Variants in CACNA1C observed in about 807,000 individuals in gnomAD.
The protein encoded by CACNA1C is calcium voltage-gated channel subunit alpha1 C.
In CACNA1C, 30 loss-of-function variants were observed where a neutral mutation model predicts 229.0. The observed-to-expected ratio is 0.13, with a 90% CI of 0.10 to 0.18. CACNA1C has a LOEUF of 0.18. Among genes scored for constraint, CACNA1C ranks in the 10% least tolerant of loss-of-function variants. CACNA1C has a pLI of 1.00. For missense variants in CACNA1C, 1,658 were observed against 2,845.0 expected (o/e 0.58, Z 9.49); for synonymous variants, 1,114 against 1,132.5 (o/e 0.98, Z 0.33).
At chr12:2,385,345 A>G (rs2098358589) in intron 3 of CACNA1C, among the ~76,000 whole-genome samples, 1 of 151,986 alleles carries the variant, frequency 6.6e-6, no homozygotes, top group Admixed American at 6.5e-5. Context: ...TCTCCCGGCA[A>G]CGGAACCTCA....
chr12:2,374,522 C>T (rs931386832), intron 3 of CACNA1C, among the ~76,000 whole-genome samples: 8 of 152,208 alleles, frequency 5.3e-5, no homozygotes, highest in African/African-American at 1.2e-4. Context: ...ATTGGCCTTC[C>T]GTGGGCCAGG....
intron 3 of CACNA1C, chr12:2,217,904 G>A (rs1275153468): frequency 6.6e-6 from 1 of 152,174 alleles, no homozygotes; most frequent in African/African-American, 2.4e-5. Flanking sequence ...AGGCCGTCGG[G>A]AAATGGGAGC....
In CACNA1C at chr12:2,045,342, G is replaced by A. The variant is rs978067766; in HGVS notation, c.140-69882G>A. ...TTTTCTATCTAGCTCCATTGAATAC[G>A]TTTGAACTGGCCTGGAACAGTTAAG... is the stretch of plus-strand genomic sequence containing the variant. On this transcript the variant is annotated intron_variant, in intron 1 of 46. Transcript: ENST00000682462. 3.9e-5 allele frequency among the ~76,000 whole-genome samples: 6 copies of A among 152,270 alleles called. No homozygotes were observed. The East Asian group carries it at 9.6e-4, about 24-fold the overall frequency.
chr12:2,465,887 C>T (rs1313125673), intron 5 of CACNA1C, among the ~76,000 whole-genome samples: 1 of 152,150 alleles, frequency 6.6e-6, no homozygotes, highest in African/African-American at 2.4e-5. Context: ...TCTGGGCCAT[C>T]CTGCTCTGTC....
chr12:2,320,988 T>TGCA (rs2095962449), intron 3 of CACNA1C, among the ~76,000 whole-genome samples: 1 of 152,210 alleles, frequency 6.6e-6, no homozygotes, highest in Non-Finnish European at 1.5e-5. Flanking sequence ...ACACGGATGC[T>TGCA]GCAGCAGCAG....
In CACNA1C at chr12:2,677,448, G is replaced by A; in HGVS notation, c.4956+227G>A. 1 of 617,470 alleles carries A rather than the reference G, an allele frequency of 1.6e-6. No individual in the cohort carries two copies. Among genetic ancestry groups the A allele is most frequent in the Non-Finnish European group, 2.8e-6 (1 of 357,224 alleles). The allele number at this position is 617,470 out of a possible 1,614,324, so 38.2% of individuals were successfully genotyped here. On this transcript the variant is annotated intron_variant, in intron 40 of 46. Coordinates refer to ENST00000399655, the MANE Select transcript of CACNA1C (RefSeq NM_000719.7). This position sits in a 1 kb window ranked among gnomAD's most constrained non-coding sequence, Gnocchi z 7.4. ...CTCCATGGTTCTGCCTGCTGTCATA[G>A]CCCCCAGATCTCTCAAATACTTCAC...
chr12:2,291,422 G>T (rs748142474), intron 3 of CACNA1C, among the ~76,000 whole-genome samples: 5 of 152,154 alleles, frequency 3.3e-5, no homozygotes, highest in Non-Finnish European at 7.3e-5. Flanking sequence ...TCTCTTTCTC[G>T]ACTGCTCTTT....
intron 3 of CACNA1C, among the ~76,000 whole-genome samples, chr12:2,289,096 A>G (rs2093129945): frequency 6.6e-6 from 1 of 152,212 alleles, no homozygotes; most frequent in Non-Finnish European, 1.5e-5. Context: ...TATGGGGAAG[A>G]TATGCCCTCA....
At chr12:2,227,099 C>T (rs2063229295) in intron 3 of CACNA1C, among the ~76,000 whole-genome samples, 1 of 152,232 alleles carries the variant, frequency 6.6e-6, no homozygotes, top group Admixed American at 6.5e-5. Context: ...CATGCTTTCT[C>T]TGTTCCCTGC....
At chr12:2,508,549 A>G (rs939169110) in intron 8 of CACNA1C, among the ~76,000 whole-genome samples, 2 of 152,188 alleles carry the variant, frequency 1.3e-5, no homozygotes, top group Admixed American at 6.5e-5. Flanking sequence ...GGTATTCGGG[A>G]AGCCGAGGTG....
intron 3 of CACNA1C, among the ~76,000 whole-genome samples, chr12:2,156,971 G>C (rs2154235078): frequency 6.6e-6 from 1 of 152,332 alleles, no homozygotes; most frequent in East Asian, 1.9e-4. Flanking sequence ...GTATGAGACA[G>C]CTGAATCCTA....
intron 5 of CACNA1C, among the ~76,000 whole-genome samples, chr12:2,463,298 G>T (rs1303426718): frequency 6.6e-6 from 1 of 152,150 alleles, no homozygotes. Flanking sequence ...GATTGCGAGG[G>T]TACAAGTCCA....
intron 9 of CACNA1C, among the ~76,000 whole-genome samples, chr12:2,527,776 C>T (rs1383472834): frequency 6.6e-6 from 1 of 152,164 alleles, no homozygotes; most frequent in Non-Finnish European, 1.5e-5. Context: ...GCTGTCCCCA[C>T]AGGGGAGAGC....
chr12:2,599,796 A>G (rs1040570987), intron 21 of CACNA1C, among the ~76,000 whole-genome samples: 2 of 152,270 alleles, frequency 1.3e-5, no homozygotes, highest in South Asian at 2.1e-4. Flanking sequence ...AACACCACAG[A>G]TGACTTTCAA....
intron 3 of CACNA1C, among the ~76,000 whole-genome samples, chr12:2,444,474 C>A (rs373143229): frequency 6.6e-6 from 1 of 152,170 alleles, no homozygotes; most frequent in African/African-American, 2.4e-5. Context: ...GTGGCTGTTC[C>A]GTACTGATTT....
intron 10 of CACNA1C, among the ~76,000 whole-genome samples, chr12:2,551,903 G>A (rs1456352513): frequency 1.3e-5 from 2 of 152,146 alleles, no homozygotes; most frequent in Non-Finnish European, 2.9e-5. Context: ...TGACCTGCGG[G>A]TGTCATGGAG....
intron 3 of CACNA1C, among the ~76,000 whole-genome samples, chr12:2,391,934 G>A (rs960244470): frequency 5.9e-5 from 9 of 152,238 alleles, no homozygotes; most frequent in Non-Finnish European, 1.0e-4. Context: ...TGGCCACCAT[G>A]CTGCACAGCA....
At chr12:2,310,342 T>TAAAAAAAAAA (rs1262171750) in intron 3 of CACNA1C, among the ~76,000 whole-genome samples, 2 of 144,242 alleles carry the variant, frequency 1.4e-5, no homozygotes, top group African/African-American at 5.3e-5. Flanking sequence ...GCCTCCCAGT[T>TAAAAAAAAAA]AAAAAAAAAA....
chr12:2,055,598 A>T (rs1441192109), intron 1 of CACNA1C, among the ~76,000 whole-genome samples: 2 of 152,022 alleles, frequency 1.3e-5, no homozygotes, highest in Non-Finnish European at 2.9e-5. Flanking sequence ...AGGAGTGCCA[A>T]CCCCAGAGAG....
Sources: gnomAD v4.1 joint callset for allele counts (sites outside exome capture counted in the v4.1 genomes callset) on GRCh38, gnomAD v4.1.1 for gene constraint, Gnocchi (gnomAD v3.1) non-coding constraint, MANE v1.5 for transcripts, NCBI Gene and HGNC (gene_info 2026-07-23, HGNC 2026-07-21) for gene names.